The following SUGCT variants were observed in gnomAD, a reference collection of about 807,000 sequenced individuals.
The protein encoded by SUGCT is succinyl-CoA:glutarate CoA-transferase.
Under a neutral mutation model 55.0 loss-of-function variants are expected in SUGCT, and 41 were observed. The ratio of observed to expected loss-of-function variants is 0.74; its 90% confidence interval spans 0.58 to 0.97. The LOEUF (loss-of-function observed/expected upper bound fraction) is 0.97. Among genes scored for constraint, SUGCT ranks in the 50% least tolerant of loss-of-function variants. SUGCT has a pLI of 0.00. For synonymous variants in SUGCT, 187 were observed against 200.4 expected (o/e 0.93, Z 0.56); for missense variants, 568 against 547.8 (o/e 1.04, Z -0.37).
At chr7:40,967,945 A>G in the SUGCT span, among the ~76,000 whole-genome samples, 1 of 152,340 alleles carries the variant, frequency 6.6e-6, no homozygotes, top group East Asian at 1.9e-4. Context: ...ACTGGACTCA[A>G]TGGATATAGA....
chr7:40,828,970 T>C (rs1792508950), intron 13 of SUGCT, among the ~76,000 whole-genome samples: 1 of 152,168 alleles, frequency 6.6e-6, no homozygotes, highest in Non-Finnish European at 1.5e-5. Flanking sequence ...AGGACTTATA[T>C]TCCGAGCACC....
intron 9 of SUGCT, among the ~76,000 whole-genome samples, chr7:40,336,948 G>A (rs1796747384): frequency 6.6e-6 from 1 of 152,128 alleles, no homozygotes; most frequent in Non-Finnish European, 1.5e-5. Context: ...GGTATGTTGT[G>A]TCTTTGTTCT....
chr7:40,182,321 C>G (rs528583953), intron 3 of SUGCT, among the ~76,000 whole-genome samples: 18 of 152,264 alleles, frequency 1.2e-4, no homozygotes, highest in African/African-American at 4.3e-4. Flanking sequence ...AATCCCAGCA[C>G]TTTGGGAGGC....
chr7:40,390,775 A>G (rs1453829853), intron 9 of SUGCT, among the ~76,000 whole-genome samples: 1 of 152,238 alleles, frequency 6.6e-6, no homozygotes, highest in Non-Finnish European at 1.5e-5. Context: ...CAGAATTGGA[A>G]AAAACTACTT....
intron 9 of SUGCT, among the ~76,000 whole-genome samples, chr7:40,360,672 G>A (rs1798108784): frequency 1.3e-5 from 2 of 152,176 alleles, no homozygotes; most frequent in Admixed American, 1.3e-4. Flanking sequence ...GTTGAAGGCA[G>A]GTGAGGCAGA....
intron 12 of SUGCT, among the ~76,000 whole-genome samples, chr7:40,497,548 A>G: frequency 6.6e-6 from 1 of 152,152 alleles, no homozygotes; most frequent in South Asian, 2.1e-4. Context: ...ATGTGAATTC[A>G]TCTGAAAGGG....
intron 12 of SUGCT, among the ~76,000 whole-genome samples, chr7:40,527,594 AG>A: frequency 6.6e-6 from 1 of 152,340 alleles, no homozygotes; most frequent in African/African-American, 2.4e-5. Context: ...AATTTAGAAA[AG>A]GTGTTAGAGC....
chr7:40,194,452 A>G (rs907047778), intron 5 of SUGCT, among the ~76,000 whole-genome samples: 3 of 152,068 alleles, frequency 2.0e-5, no homozygotes, highest in African/African-American at 4.8e-5. Flanking sequence ...GGATTTTGCC[A>G]TGTTGCCCAG....
chr7:40,382,004 CG>C (rs1784898699), intron 9 of SUGCT, among the ~76,000 whole-genome samples: 2 of 149,702 alleles, frequency 1.3e-5, no homozygotes, highest in South Asian at 4.3e-4. Flanking sequence ...CATCAAGGGA[CG>C]TGTGTGTGTC....
chr7:40,866,233 A>G, the SUGCT span, among the ~76,000 whole-genome samples: 345 of 152,280 alleles, frequency 2.3e-3, no homozygotes, highest in Middle Eastern at 3.4e-3. Flanking sequence ...ACCCACTAGA[A>G]TTTGGATCTC....
At chr7:40,650,654 G>C (rs572485774) in intron 12 of SUGCT, among the ~76,000 whole-genome samples, 22 of 152,292 alleles carry the variant, frequency 1.4e-4, no homozygotes, top group African/African-American at 4.3e-4. Context: ...ATATTGCTAA[G>C]AATAATCAAA....
chr7:40,401,796 T>A (rs1343415949), intron 9 of SUGCT, among the ~76,000 whole-genome samples: 1 of 152,160 alleles, frequency 6.6e-6, no homozygotes, highest in African/African-American at 2.4e-5. Flanking sequence ...AGAAAACAAC[T>A]TGGTGAATAT....
At chr7:40,142,645 C>T (rs1232173315) in intron 1 of SUGCT, among the ~76,000 whole-genome samples, 1 of 152,194 alleles carries the variant, frequency 6.6e-6, no homozygotes, top group Non-Finnish European at 1.5e-5. Context: ...GTAAAGGAGT[C>T]ATTTACCCCT....
chr7:40,854,445 T>TTTCTTTCTTTCTTTCTTTCTTTC (rs1794051039), intron 13 of SUGCT, among the ~76,000 whole-genome samples: 1 of 146,812 alleles, frequency 6.8e-6, no homozygotes, highest in Middle Eastern at 3.2e-3. Context: ...TCTTTCTTTC[T>TTTCTTTCTTTCTTTCTTTCTTTC]TTCTTTCTTT....
chr7:40,255,434 G>A (rs958724312), intron 7 of SUGCT, among the ~76,000 whole-genome samples: 8 of 151,542 alleles, frequency 5.3e-5, no homozygotes, highest in African/African-American at 1.7e-4. Flanking sequence ...GGCCGGGGCC[G>A]GCTGTTCACC....
At chr7:40,479,296 C>T (rs905554824) in intron 11 of SUGCT, among the ~76,000 whole-genome samples, 3 of 152,046 alleles carry the variant, frequency 2.0e-5, no homozygotes, top group East Asian at 1.9e-4. Flanking sequence ...TGTAGCATAG[C>T]GGTCCCATAA....
intron 6 of SUGCT, 102 bp from the exon 7 acceptor site, chr7:40,237,533 G>T (rs1789093931): frequency 1.1e-6 from 1 of 897,080 alleles, no homozygotes; most frequent in East Asian, 2.4e-5. Flanking sequence ...GTCTCGAAAT[G>T]CTGCAGGATT....
At chr7:40,941,622 G>A in the SUGCT span, among the ~76,000 whole-genome samples, 1 of 152,050 alleles carries the variant, frequency 6.6e-6, no homozygotes, top group African/African-American at 2.4e-5. Flanking sequence ...GTTTCTCTTT[G>A]TTGACTTTCT....
the SUGCT span, among the ~76,000 whole-genome samples, chr7:40,975,651 G>C: frequency 6.6e-6 from 1 of 152,178 alleles, no homozygotes; most frequent in African/African-American, 2.4e-5. Context: ...TGAGAAATGG[G>C]AAGAGTATGC....
Sources: allele counts gnomAD v4.1 joint callset (sites outside exome capture counted in the v4.1 genomes callset), GRCh38; gene constraint gnomAD v4.1.1; transcripts MANE v1.5; gene names NCBI Gene and HGNC (gene_info 2026-07-23, HGNC 2026-07-21).